Variants in NTN1 observed in about 807,000 individuals in gnomAD.
The protein encoded by NTN1 is netrin 1, also known as netrin-1.
NTN1 carries 11 observed loss-of-function variants against 54.2 expected under a neutral mutation model. The observed-to-expected ratio is 0.20, with a 90% CI of 0.13 to 0.34. NTN1 has a LOEUF of 0.34. NTN1 is among the 10% of genes least tolerant of loss of function. The pLI, the probability that NTN1 is intolerant of heterozygous loss-of-function variation, is 1.00. For synonymous variants in NTN1, 371 were observed against 382.0 expected (o/e 0.97, Z 0.33); for missense variants, 740 against 893.1 (o/e 0.83, Z 2.18).
intron 5 of NTN1, among the ~76,000 whole-genome samples, chr17:9,186,012 C>G (rs1169695658): frequency 6.6e-6 from 1 of 151,846 alleles, no homozygotes; most frequent in Non-Finnish European, 1.5e-5. Flanking sequence ...TGAGCTCCTC[C>G]TGCTGGGGTT....
At chr17:9,085,276 ATCC>A in intron 2 of NTN1, among the ~76,000 whole-genome samples, 1 of 152,320 alleles carries the variant, frequency 6.6e-6, no homozygotes, top group East Asian at 1.9e-4. Flanking sequence ...CTGGGGGGCT[ATCC>A]TCAGCTTCCC....
At chr17:9,169,636 G>A (rs546452030) in intron 3 of NTN1, among the ~76,000 whole-genome samples, 4 of 152,270 alleles carry the variant, frequency 2.6e-5, no homozygotes, top group African/African-American at 7.2e-5. Flanking sequence ...AGGCTGAGGC[G>A]GGTGGATCAC....
At chr17:9,039,074 G>A (rs747751494) in intron 2 of NTN1, among the ~76,000 whole-genome samples, 1 of 152,060 alleles carries the variant, frequency 6.6e-6, no homozygotes, top group Non-Finnish European at 1.5e-5. Flanking sequence ...ATATAAACTT[G>A]GATCTGTTCT....
intron 1 of NTN1, 79 bp from the exon 2 acceptor site, chr17:9,022,232 C>G: frequency 1.1e-6 from 1 of 948,470 alleles, no homozygotes; most frequent in Non-Finnish European, 1.4e-6. Flanking sequence ...GGCGTTCTCC[C>G]GCATCTCCGC....
At chr17:9,193,103 A>T (rs1467529423) in intron 5 of NTN1, among the ~76,000 whole-genome samples, 1 of 98,356 alleles carries the variant, frequency 1.0e-5, no homozygotes, top group Non-Finnish European at 2.4e-5. Context: ...AAAGAAAAAG[A>T]AAAAAAAGCC....
chr17:9,080,240 C>T (rs2092066337), intron 2 of NTN1, among the ~76,000 whole-genome samples: 1 of 152,268 alleles, frequency 6.6e-6, no homozygotes, highest in African/African-American at 2.4e-5. Flanking sequence ...CTCTGAAGCA[C>T]TGCACACATG....
rs58849878 is a variant in NTN1, at chr17:9,218,915, G to GA, written c.1412-2237dup. 5.3e-3 allele frequency among the ~76,000 whole-genome samples: 753 copies of GA among 141,122 alleles called. 4 individuals are homozygous for GA. The highest frequency in any genetic ancestry group is 0.011 in the Middle Eastern group (3 of 282). 92.6% of individuals were successfully genotyped at this position (141,122 alleles called of 152,430 possible). A position where few individuals can be genotyped will look rare whatever the true frequency, so the allele number is the denominator to read the frequency against. The stretch of plus-strand genomic sequence containing the variant: ...GCTGGTGTGGGATGATGGCTTTTGT[G>GA]AAAAAAAAAAAAAAAATTGCGAGGA... On this transcript the variant is annotated intron_variant, in intron 5 of 6. Transcript: ENST00000173229.
At chr17:9,026,365 C>T (rs914993007) in intron 2 of NTN1, among the ~76,000 whole-genome samples, 1 of 141,188 alleles carries the variant, frequency 7.1e-6, no homozygotes, top group Non-Finnish European at 1.5e-5. Context: ...CCCAGTTATA[C>T]TTTAAATGCA....
chr17:9,229,914 C>T (rs774755329), intron 6 of NTN1, among the ~76,000 whole-genome samples: 5 of 151,952 alleles, frequency 3.3e-5, no homozygotes, highest in African/African-American at 4.8e-5. Flanking sequence ...GTGTGGTGGG[C>T]GGTGGTGGAT....
chr17:9,126,079 G>C (rs763196666), intron 2 of NTN1, among the ~76,000 whole-genome samples: 1 of 152,260 alleles, frequency 6.6e-6, no homozygotes, highest in African/African-American at 2.4e-5. Flanking sequence ...CTGAATGAAC[G>C]ACGCATGGGG....
Position 9,023,245 on chromosome 17 carries a change from C to A in NTN1, c.872C>A (p.Ala291Glu), listed in dbSNP as rs1379224707. 6.4e-7 allele frequency: 1 copy of A among 1,565,520 alleles called. No homozygotes were observed. Among genetic ancestry groups the A allele is most frequent in the Non-Finnish European group, 8.7e-7 (1 of 1,155,918 alleles). ...GGCCGGTGCAAGTGCAACGGCCACG[C>A]GGCCCGCTGCGTGCGCGACCGCGAC... ...VGGRCKCNGHAARCVRDRDDS... is the reference protein window; with the variant it reads ...VGGRCKCNGHEARCVRDRDDS... Residue 291 changes from alanine (A) to glutamate (E), a missense_variant, in exon 2 of 7, where the codon GCG (alanine) becomes GAG (glutamate). Physicochemically the swap from Ala to Glu is moderately radical, Grantham distance 107. Coordinates refer to ENST00000173229, the MANE Select transcript of NTN1 (RefSeq NM_004822.3).
At chr17:9,075,308 C>G (rs999840262) in intron 2 of NTN1, among the ~76,000 whole-genome samples, 1 of 152,080 alleles carries the variant, frequency 6.6e-6, no homozygotes, top group Non-Finnish European at 1.5e-5. Context: ...TGGTGAAACC[C>G]TGTCTCTAGT....
At chr17:9,030,482 C>T (rs2091885360) in intron 2 of NTN1, among the ~76,000 whole-genome samples, 1 of 152,208 alleles carries the variant, frequency 6.6e-6, no homozygotes, top group African/African-American at 2.4e-5. Context: ...CGCAGTGGCT[C>T]ACGCCTGTAA....
At chr17:9,092,603 A>AT (rs2092115401) in intron 2 of NTN1, among the ~76,000 whole-genome samples, 1 of 150,572 alleles carries the variant, frequency 6.6e-6, no homozygotes, top group Non-Finnish European at 1.5e-5. Context: ...ATAGGTCAAA[A>AT]TTTTTTTTGA....
rs1906240433 is a variant in NTN1, at chr17:9,242,315, C to T, written c.*2347C>T. 6.6e-6 allele frequency: 1 copy of T among 152,306 alleles called. No individual in the cohort carries two copies. Among genetic ancestry groups the T allele is most frequent in the Non-Finnish European group, 1.5e-5 (1 of 68,086 alleles). 9.4% of individuals were successfully genotyped at this position (152,306 alleles called of 1,614,324 possible). ...AGCCCAAGGCTAGAAGACAGGGCCCCTCTCCAAGCTGTCAGCGCCCCTCGG... is the reference window on the plus strand; with the variant it reads ...AGCCCAAGGCTAGAAGACAGGGCCCTTCTCCAAGCTGTCAGCGCCCCTCGG... On this transcript the variant is annotated 3_prime_UTR_variant, in exon 7 of 7. Transcript: ENST00000173229.
At position 9,123,206 on chromosome 17, in the gene NTN1, T is replaced by TA. The variant is rs568514793; in HGVS notation, c.1019-39600dup. Among the ~76,000 whole-genome samples, 499 of 152,306 alleles carry TA rather than the reference T, an allele frequency of 3.3e-3. 1 individual carries two copies. The highest frequency in any genetic ancestry group is 5.0e-3 in the Admixed American group (77 of 15,294). Reference sequence around the variant, plus strand: ...CAGGTATATTGCATATTAATTACTCTAAAAAAACCTGTTGGCCAACTTGGA... The same window carrying TA: ...CAGGTATATTGCATATTAATTACTCTAAAAAAAACCTGTTGGCCAACTTGGA... On this transcript the variant is annotated intron_variant, in intron 2 of 6. Coordinates refer to ENST00000173229, the MANE Select transcript of NTN1 (RefSeq NM_004822.3).
chr17:9,029,731 C>A (rs1306434148), intron 2 of NTN1, among the ~76,000 whole-genome samples: 2 of 152,196 alleles, frequency 1.3e-5, no homozygotes, highest in Non-Finnish European at 2.9e-5. Flanking sequence ...CGGTGGCTCA[C>A]GCCTGTAATC....
In NTN1 at chr17:9,243,671, C is replaced by T. The variant is rs890216373; in HGVS notation, c.*3703C>T. 2 of 152,208 alleles carry T rather than the reference C, an allele frequency of 1.3e-5. No homozygotes were observed. The highest frequency in any genetic ancestry group is 4.8e-5 in the African/African-American group (2 of 41,420). 9.4% of individuals were successfully genotyped at this position (152,208 alleles called of 1,614,324 possible). ...ACTCCTGTCATTGGACGTTTCTTCC[C>T]ATTCCCTCCTCCCAAATGCACTTCC... On this transcript the variant is annotated 3_prime_UTR_variant, in exon 7 of 7. Transcript: ENST00000173229.
At chr17:9,004,971 C>A in the NTN1 span, among the ~76,000 whole-genome samples, 1 of 152,200 alleles carries the variant, frequency 6.6e-6, no homozygotes, top group Non-Finnish European at 1.5e-5. Context: ...GAGTGGAAGT[C>A]ATCCCTCCCC....
Sources: allele counts gnomAD v4.1 joint callset (sites outside exome capture counted in the v4.1 genomes callset), GRCh38; gene constraint gnomAD v4.1.1; transcripts MANE v1.5; gene names NCBI Gene and HGNC (gene_info 2026-07-23, HGNC 2026-07-21).